TRPC3: variants seen among roughly 807,000 people sequenced by gnomAD.
TRPC3 encodes transient receptor potential cation channel subfamily C member 3.
A neutral mutation model predicts 90.9 loss-of-function variants in TRPC3; 54 were observed. The observed-to-expected ratio is 0.59, with a 90% CI of 0.48 to 0.75. TRPC3 has a LOEUF of 0.75. Among genes scored for constraint, TRPC3 ranks in the 30% least tolerant of loss-of-function variants. TRPC3 has a pLI of 0.00. For missense variants in TRPC3, 918 were observed against 1,194.5 expected (o/e 0.77, Z 3.41); for synonymous variants, 424 against 450.9 (o/e 0.94, Z 0.75).
intron 1 of TRPC3, among the ~76,000 whole-genome samples, chr4:121,944,471 CA>C (rs1305560513): frequency 6.6e-6 from 1 of 151,630 alleles, no homozygotes; most frequent in African/African-American, 2.4e-5. Flanking sequence ...AGGAAAAGCT[CA>C]ATGTTTAATA....
intron 3 of TRPC3, among the ~76,000 whole-genome samples, 199 bp downstream of exon 3, chr4:121,924,819 C>A (rs1430266977): frequency 6.6e-6 from 1 of 152,174 alleles, no homozygotes; most frequent in Non-Finnish European, 1.5e-5. Context: ...GGATTACAGG[C>A]CCCAAAGTGC....
rs1205850247 is a variant in TRPC3, at chr4:121,933,111, C to T, written c.216-69G>A. The stretch of plus-strand genomic sequence containing the variant: ...CATTCCTTCCTTTCACATGTCAGGG[C>T]CCTTTCTGGAATACACACTACCCAC... On this transcript the variant is annotated intron_variant, in intron 1 of 11. Transcript: ENST00000379645. 4 of 1,492,364 alleles carry T rather than the reference C, an allele frequency of 2.7e-6. No individual in the cohort carries two copies. In the African/African-American group the frequency reaches 5.6e-5, roughly 21 times the overall value. The allele number at this position is 1,492,364 out of a possible 1,614,324, so 92.4% of individuals were successfully genotyped here.
In TRPC3 at chr4:121,911,338, T is replaced by G. The variant is rs72919955; in HGVS notation, c.1558+539A>C. ...TTCCTCACATTACTTCAAATTCTTA[T>G]TTTAACACAGCTATTCAAAATGGGT... On this transcript the variant is annotated intron_variant, in intron 5 of 11. Transcript: ENST00000379645. Among the ~76,000 whole-genome samples, 901 of 152,338 alleles carry G rather than the reference T, an allele frequency of 5.9e-3. 10 individuals carry two copies. Among genetic ancestry groups the G allele is most frequent in the African/African-American group, 0.02 (837 of 41,586 alleles).
intron 3 of TRPC3, 131 bp downstream of exon 3, chr4:121,924,887 C>T: frequency 9.9e-7 from 1 of 1,007,116 alleles, no homozygotes; most frequent in South Asian, 2.0e-5. Context: ...TTTGTACAGA[C>T]ACAGTCTCAT....
intron 10 of TRPC3, among the ~76,000 whole-genome samples, chr4:121,884,722 TA>T (rs1728053036): frequency 6.6e-6 from 1 of 152,196 alleles, no homozygotes; most frequent in Non-Finnish European, 1.5e-5. Context: ...CTGTAAGACA[TA>T]AAACCTGTTG....
rs566422315 is a variant in TRPC3, at chr4:121,921,928, T to G, written c.1176+3090A>C. 2.1e-3 allele frequency among the ~76,000 whole-genome samples: 319 copies of G among 150,118 alleles called. 1 individual carries two copies. The highest frequency in any genetic ancestry group is 7.3e-3 in the African/African-American group (299 of 40,764). On this transcript the variant is annotated intron_variant, in intron 3 of 11. Transcript: ENST00000379645. Reference sequence around the variant, plus strand: ...TTTTGGGTTTTTTTTTGTTTTTTTTTTTTTTTTCGAGTCGGAGTCTCGCTC... The same window carrying G: ...TTTTGGGTTTTTTTTTGTTTTTTTTGTTTTTTTCGAGTCGGAGTCTCGCTC...
chr4:121,948,852 T>C (rs1012599051), intron 1 of TRPC3, among the ~76,000 whole-genome samples: 18 of 132,878 alleles, frequency 1.4e-4, no homozygotes, highest in Non-Finnish European at 2.7e-4. Flanking sequence ...TTTTTTTTTG[T>C]TTTTTTGTTT....
intron 5 of TRPC3, 67 bp downstream of exon 5, chr4:121,911,810 G>T: frequency 2.8e-6 from 4 of 1,447,244 alleles, no homozygotes; most frequent in East Asian, 2.4e-5. Flanking sequence ...TTTTTCAATA[G>T]AAAATGACAA....
chr4:121,941,962 A>G (rs1730332991), intron 1 of TRPC3, among the ~76,000 whole-genome samples: 1 of 152,316 alleles, frequency 6.6e-6, no homozygotes, highest in South Asian at 2.1e-4. Flanking sequence ...CAGGTAGTCC[A>G]CAAGTATCTC....
At chr4:121,897,452 GCAAAAAAAA>G (rs1728553264) in intron 10 of TRPC3, among the ~76,000 whole-genome samples, 2 of 27,994 alleles carry the variant, frequency 7.1e-5, no homozygotes, top group Non-Finnish European at 1.2e-4. Context: ...CATCTCAACA[GCAAAAAAAA>G]AAAAAAAAAA....
chr4:121,900,569 G>C (rs577337825), intron 9 of TRPC3, among the ~76,000 whole-genome samples: 6 of 152,240 alleles, frequency 3.9e-5, no homozygotes, highest in East Asian at 1.9e-4. Flanking sequence ...TTCTCCAATC[G>C]GCCACTGGAG....
Position 121,914,896 on chromosome 4 carries a change from C to T in TRPC3, c.1225G>A (p.Glu409Lys). Residue 409 changes from glutamate (E) to lysine (K), a missense_variant, in exon 4 of 12, where the codon GAG becomes AAG. This residue lies in a region of TRPC3 where 609 missense variants were observed against 725.9 expected (regional missense o/e 0.84). Transcript: ENST00000379645. ...CQQQLLTIWYENLSGLREQTI... is the reference protein window; with the variant it reads ...CQQQLLTIWYKNLSGLREQTI... ...TGCTCCCTTAGGCCTGAGAGGTTCT[C>T]ATACCAGATCGTCAAGAGCTGCTGC... The T allele has an allele frequency of 6.2e-7, 1 of 1,612,268 alleles. No individual in the cohort carries two copies.
chr4:121,880,029 CATCT>C, intron 11 of TRPC3, 151 bp from the exon 12 acceptor site: 1 of 654,914 alleles, frequency 1.5e-6, no homozygotes, highest in Admixed American at 4.1e-5. Context: ...ATTTAAGAAA[CATCT>C]GTCTTTAAAG....
rs747487340 is a variant in TRPC3 at position 121,912,049 on chromosome 4, A to G, written c.1386T>C (p.His462=). ...LRSPFMKFVA[H]AASFIIFLGL... is the part of the protein sequence containing the mutation. ...CCAGGAAGATGATGAAAGAAGCTGC[A>G]TGTGCTACAAACTTCATAAAAGGGC... The change falls in exon 5 of 12, where the codon CAT becomes CAC. Residue 462 remains histidine (H), a synonymous_variant. Coordinates refer to ENST00000379645, the MANE Select transcript of TRPC3 (RefSeq NM_001130698.2). 9 of 1,613,846 alleles carry G rather than the reference A, an allele frequency of 5.6e-6. No individual in the cohort carries two copies. Among genetic ancestry groups the G allele is most frequent in the Non-Finnish European group, 7.6e-6 (9 of 1,179,830 alleles).
At chr4:121,921,959 C>T (rs1208944709) in intron 3 of TRPC3, among the ~76,000 whole-genome samples, 2 of 148,234 alleles carry the variant, frequency 1.3e-5, no homozygotes, top group Non-Finnish European at 3.0e-5. Flanking sequence ...CGCTCTGTCG[C>T]CCAGGCTGCA....
At chr4:121,921,631 A>G (rs1001221786) in intron 3 of TRPC3, among the ~76,000 whole-genome samples, 2 of 152,044 alleles carry the variant, frequency 1.3e-5, no homozygotes, top group African/African-American at 4.8e-5. Flanking sequence ...TGATTTGAAT[A>G]AATATGAGTT....
intron 3 of TRPC3, 60 bp from the exon 4 acceptor site, chr4:121,915,004 A>C (rs1729260347): frequency 6.9e-7 from 1 of 1,439,294 alleles, no homozygotes; most frequent in Non-Finnish European, 9.5e-7. Context: ...TACCATTGTC[A>C]ATAGCTCAAC....
intron 10 of TRPC3, among the ~76,000 whole-genome samples, chr4:121,895,464 A>C (rs1466445109): frequency 1.3e-5 from 2 of 152,098 alleles, no homozygotes; most frequent in Non-Finnish European, 2.9e-5. Context: ...AAACAGAGAG[A>C]TATGACTCAA....
chr4:121,881,873 AG>A (rs996074541), intron 11 of TRPC3, among the ~76,000 whole-genome samples: 30 of 152,130 alleles, frequency 2.0e-4, no homozygotes, highest in Admixed American at 7.9e-4. Flanking sequence ...GTAAGGAGGC[AG>A]GGGGGAAAGT....
Sources: gnomAD v4.1 joint callset for allele counts (sites outside exome capture counted in the v4.1 genomes callset) on GRCh38, gnomAD v4.1.1 for gene constraint, gnomAD v4.1.1 regional missense constraint, MANE v1.5 for transcripts, NCBI Gene and HGNC (gene_info 2026-07-23, HGNC 2026-07-21) for gene names.